Variants in GSDMA observed in about 807,000 individuals in gnomAD.
GSDMA encodes gasdermin-A.
GSDMA carries 55 observed loss-of-function variants against 54.3 expected under a neutral mutation model. The ratio of observed to expected loss-of-function variants is 1.01; its 90% confidence interval spans 0.82 to 1.27. The LOEUF is 1.27. Ranked by LOEUF, GSDMA falls within the 50% of genes most tolerant of loss-of-function variation. The pLI is 0.00. For synonymous variants in GSDMA, 211 were observed against 224.7 expected (o/e 0.94, Z 0.54); for missense variants, 542 against 542.6 (o/e 1.00, Z 0.01).
chr17:39,964,408 A>C (rs1979542576), intron 1 of GSDMA, among the ~76,000 whole-genome samples: 1 of 152,090 alleles, frequency 6.6e-6, no homozygotes, highest in African/African-American at 2.4e-5. Flanking sequence ...GTCTCCATTA[A>C]AAATACAAAA....
Position 39,977,610 on chromosome 17 carries a change from G to C in GSDMA, c.*552G>C, listed in dbSNP as rs1043156329. 6.6e-6 allele frequency: 1 copy of C among 151,852 alleles called. No individual in the cohort carries two copies. The highest frequency in any genetic ancestry group is 2.4e-5 in the African/African-American group (1 of 41,282). The allele number at this position is 151,852 out of a possible 1,614,324, so 9.4% of individuals were successfully genotyped here. Reference sequence around the variant, plus strand: ...CCCGGCCTGTGCTTAAATATTCTAGGAGTAGAAGCACTCAGACTTTTAAAA... The same window carrying C: ...CCCGGCCTGTGCTTAAATATTCTAGCAGTAGAAGCACTCAGACTTTTAAAA... On this transcript the variant is annotated 3_prime_UTR_variant, in exon 12 of 12. Coordinates refer to ENST00000301659, the MANE Select transcript of GSDMA (RefSeq NM_178171.5).
At chr17:39,973,043 T>C (rs1203879163) in intron 7 of GSDMA, among the ~76,000 whole-genome samples, 2 of 152,030 alleles carry the variant, frequency 1.3e-5, no homozygotes, top group East Asian at 3.9e-4. Context: ...GCAATCTCAG[T>C]CCACTGCAAC....
intron 4 of GSDMA, among the ~76,000 whole-genome samples, chr17:39,970,859 G>A (rs4239225): frequency 0.42 from 63,142 of 151,948 alleles, 13,442 homozygotes; most frequent in East Asian, 0.49. Flanking sequence ...CACCCAGTGA[G>A]GGCAGATCCC....
Position 39,965,759 on chromosome 17 carries a change from TGACAGCCTCATC to T in GSDMA, c.76_87del (p.Ser26_Asp29del), listed in dbSNP as rs1283579808. 1.4e-5 allele frequency: 22 copies of T among 1,611,748 alleles called. No homozygotes were observed. Among genetic ancestry groups the T allele is most frequent in the Non-Finnish European group, 1.8e-5 (21 of 1,179,040 alleles). ...ACCCTCGAGGGGACCTGACACCACT[TGACAGCCTCATC>T]GACTTCAAGCGCTTCCATCCCTTCT... On this transcript the variant is annotated inframe_deletion, in exon 2 of 12. Transcript: ENST00000301659.
chr17:39,966,050 G>A (rs1979645710), intron 2 of GSDMA, 149 bp downstream of exon 2: 4 of 812,150 alleles, frequency 4.9e-6, no homozygotes, highest in East Asian at 5.3e-5. Context: ...GAGGAGGCTG[G>A]TGGTCGGGGG....
chr17:39,974,263 G>A lies in GSDMA; in HGVS notation c.752-10G>A. On this transcript the variant is annotated splice_polypyrimidine_tract_variant and intron_variant, in intron 8 of 11. Coordinates refer to ENST00000301659, the MANE Select transcript of GSDMA (RefSeq NM_178171.5). The stretch of plus-strand genomic sequence containing the variant: ...ATGGAGGGCTGTGTGTCCCATTATT[G>A]TCCCCATAGGGGACGTACACGAAGG... 1.2e-6 allele frequency: 2 copies of A among 1,602,004 alleles called. No individual in the cohort carries two copies. Among genetic ancestry groups the A allele is most frequent in the Non-Finnish European group, 1.7e-6 (2 of 1,174,432 alleles).
At position 39,971,582 on chromosome 17, in the gene GSDMA, G is replaced by C; in HGVS notation, c.617G>C (p.Arg206Pro). ...CCCAAGGGCTGCGTCCTGGCCTTTC[G>C]AGTGAGACAGCTGATGGTCAAAGGC... ...TIPKGCVLAF[R>P]VRQLMVKGKD... The change falls in exon 5 of 12, where the codon CGA becomes CCA. Residue 206 changes from arginine (R) to proline (P), a missense_variant. Physicochemically the swap from Arg to Pro is moderately radical, Grantham distance 103. Coordinates refer to ENST00000301659, the MANE Select transcript of GSDMA (RefSeq NM_178171.5). The C allele has an allele frequency of 3.1e-6, 5 of 1,613,908 alleles. No individual in the cohort carries two copies. The highest frequency in any genetic ancestry group is 4.2e-6 in the Non-Finnish European group (5 of 1,179,824).
At chr17:39,970,675 A>T (rs1356131637) in intron 4 of GSDMA, 28 bp downstream of exon 4, 46 of 1,413,540 alleles carry the variant, frequency 3.3e-5, no homozygotes, top group Middle Eastern at 2.3e-4. Flanking sequence ...ACACACACAC[A>T]CACACACACT....
At chr17:39,974,209 G>A in intron 8 of GSDMA, 64 bp from the exon 9 acceptor site, 1 of 1,499,686 alleles carries the variant, frequency 6.7e-7, no homozygotes, top group East Asian at 2.4e-5. Context: ...CCCTGCAGGG[G>A]GAATGCTGAC....
chr17:39,966,040 G>C (rs1437924309), intron 2 of GSDMA, 139 bp downstream of exon 2: 3 of 850,314 alleles, frequency 3.5e-6, no homozygotes, highest in East Asian at 2.6e-5. Flanking sequence ...ATCAGGAGCT[G>C]AGGAGGCTGG....
rs1013260524 is a variant in GSDMA, at chr17:39,977,751, T to C, written c.*693T>C. 1.3e-5 allele frequency: 2 copies of C among 152,328 alleles called. No individual in the cohort carries two copies. Among genetic ancestry groups the C allele is most frequent in the African/African-American group, 2.4e-5 (1 of 41,448 alleles). The allele number at this position is 152,328 out of a possible 1,614,324, so 9.4% of individuals were successfully genotyped here. On this transcript the variant is annotated 3_prime_UTR_variant, in exon 12 of 12. Coordinates refer to ENST00000301659, the MANE Select transcript of GSDMA (RefSeq NM_178171.5). ...GCTTTACTGGAATTAATGGAAAATA[T>C]TATGTCAATCTTAGGAATGATATGT...
rs1598306854 is a variant in GSDMA at position 39,973,882 on chromosome 17, G to A, written c.751+52G>A. On this transcript the variant is annotated intron_variant, in intron 8 of 11. Transcript: ENST00000301659. The stretch of plus-strand genomic sequence containing the variant: ...AGACTTTGGCATGGAGGTAGCATTA[G>A]GGGCAGAGAGAGGAGAAGGCGAAGT... The A allele has an allele frequency of 5.3e-6, 8 of 1,521,914 alleles. No individual in the cohort carries two copies. The East Asian group carries it at 6.7e-5, about 13-fold the overall frequency. 94.3% of individuals were successfully genotyped at this position (1,521,914 alleles called of 1,614,324 possible).
intron 4 of GSDMA, 133 bp downstream of exon 4, chr17:39,970,780 A>C: frequency 1.1e-5 from 7 of 665,920 alleles, no homozygotes; most frequent in Non-Finnish European, 1.5e-5. Flanking sequence ...GGATGCTGAA[A>C]AGGGCCACTC....
chr17:39,972,097 TCCTCCCAC>T, intron 5 of GSDMA, 24 bp from the exon 6 acceptor site: 1 of 937,174 alleles, frequency 1.1e-6, no homozygotes, highest in Non-Finnish European at 1.7e-6. Flanking sequence ...CTGCTAAGTG[TCCTCCCAC>T]CCTCCCTCCC....
At chr17:39,975,861 A>G (rs1980174809) in intron 10 of GSDMA, 63 bp from the exon 11 acceptor site, 1 of 1,214,092 alleles carries the variant, frequency 8.2e-7, no homozygotes, top group Non-Finnish European at 1.2e-6. Flanking sequence ...GAAGTGCGCT[A>G]TTTGGAGGCT....
chr17:39,972,113 C>CCCAA lies in GSDMA; in HGVS notation c.656-14_656-13insAACC. ...TGCTAAGTGTCCTCCCACCCTCCCT[C>CCCAA]CCTTGCCCTTCACAGATATTCCACA... is the stretch of plus-strand genomic sequence containing the variant. On this transcript the variant is annotated splice_polypyrimidine_tract_variant and intron_variant, in intron 5 of 11. Coordinates refer to ENST00000301659, the MANE Select transcript of GSDMA (RefSeq NM_178171.5). The CCCAA allele has an allele frequency of 7.5e-7, 1 of 1,326,172 alleles. No individual in the cohort carries two copies. The highest frequency in any genetic ancestry group is 1.1e-6 in the Non-Finnish European group (1 of 927,592). 82.2% of individuals were successfully genotyped at this position (1,326,172 alleles called of 1,614,324 possible).
intron 9 of GSDMA, 95 bp downstream of exon 9, chr17:39,974,522 CG>C (rs921929850): frequency 1.1e-4 from 144 of 1,352,138 alleles, no homozygotes; most frequent in Admixed American, 6.9e-4. Flanking sequence ...GGAGATCTGA[CG>C]GGGGCAGGAG....
At chr17:39,966,471 T>G in intron 3 of GSDMA, 34 bp downstream of exon 3, 1 of 1,550,414 alleles carries the variant, frequency 6.4e-7, no homozygotes, top group Non-Finnish European at 8.7e-7. Context: ...TCTCCCGGGA[T>G]GTGGGTGGGG....
chr17:39,963,939 G>T (rs1313585289), intron 1 of GSDMA, among the ~76,000 whole-genome samples: 2 of 152,154 alleles, frequency 1.3e-5, no homozygotes, highest in Non-Finnish European at 2.9e-5. Flanking sequence ...ACATCTCTCA[G>T]GGCCACATTC....
Sources: gnomAD v4.1 joint callset for allele counts (sites outside exome capture counted in the v4.1 genomes callset) on GRCh38, gnomAD v4.1.1 for gene constraint, MANE v1.5 for transcripts, NCBI Gene and HGNC (gene_info 2026-07-23, HGNC 2026-07-21) for gene names.